CNTN5: variants seen among roughly 807,000 people sequenced by gnomAD.
The protein encoded by CNTN5 is contactin-5.
CNTN5 carries 77 observed loss-of-function variants against 129.1 expected under a neutral mutation model. That is an observed-to-expected ratio of 0.60 (90% confidence interval 0.50 to 0.72). The LOEUF (loss-of-function observed/expected upper bound fraction) is 0.72. Ranked by LOEUF, CNTN5 falls within the 30% of genes least tolerant of loss-of-function variation. The probability of loss-of-function intolerance (pLI) is 0.00; values close to 1 mark genes in which losing one functional copy is unlikely to be tolerated. For missense variants in CNTN5, 1,478 were observed against 1,328.8 expected, an observed-to-expected ratio of 1.11 and a Z score of -1.75; for synonymous variants, 509 against 465.6, an observed-to-expected ratio of 1.09 and a Z score of -1.20.
chr11:99,570,528 C>T lies in CNTN5; in HGVS notation c.55+14259C>T, dbSNP rs186148080. ...TCAAAGGCATTTAAAAATATTATTTCAGGTACCAGTTACATAATAATTTTC... is the reference window on the plus strand; with the variant it reads ...TCAAAGGCATTTAAAAATATTATTTTAGGTACCAGTTACATAATAATTTTC... On this transcript the variant is annotated intron_variant, in intron 3 of 24. Coordinates refer to ENST00000524871, the MANE Select transcript of CNTN5 (RefSeq NM_014361.4). Among the ~76,000 whole-genome samples, 52 of 152,244 alleles carry T rather than the reference C, an allele frequency of 3.4e-4. 1 individual carries two copies. The East Asian group carries it at 8.9e-3, about 26-fold the overall frequency.
chr11:99,792,214 A>G (rs1209415134), intron 3 of CNTN5, among the ~76,000 whole-genome samples: 3 of 152,146 alleles, frequency 2.0e-5, no homozygotes, highest in Non-Finnish European at 4.4e-5. Flanking sequence ...TTGCCTATTC[A>G]GTATGATGTT....
chr11:100,025,262 A>C (rs1941361817), intron 9 of CNTN5, among the ~76,000 whole-genome samples: 1 of 152,246 alleles, frequency 6.6e-6, no homozygotes, highest in Non-Finnish European at 1.5e-5. Context: ...GGTGGCTTAC[A>C]CATGGTTTTG....
intron 1 of CNTN5, among the ~76,000 whole-genome samples, chr11:99,061,498 C>A (rs1307958247): frequency 2.6e-5 from 4 of 152,062 alleles, no homozygotes; most frequent in South Asian, 2.1e-4. Context: ...TATGGACAGA[C>A]CTTGGCTTCT....
chr11:99,797,982 A>C (rs759695305), intron 3 of CNTN5, among the ~76,000 whole-genome samples: 1 of 152,106 alleles, frequency 6.6e-6, no homozygotes, highest in Admixed American at 6.6e-5. Flanking sequence ...TTTACGTTCA[A>C]GGATACCTGT....
intron 1 of CNTN5, among the ~76,000 whole-genome samples, chr11:99,262,608 T>C (rs1862690554): frequency 6.6e-6 from 1 of 151,716 alleles, no homozygotes; most frequent in Non-Finnish European, 1.5e-5. Flanking sequence ...TTCTTTTTTT[T>C]TTTCTCTCTC....
chr11:99,842,732 A>G (rs1335247150), intron 4 of CNTN5, among the ~76,000 whole-genome samples: 2 of 152,242 alleles, frequency 1.3e-5, no homozygotes, highest in Non-Finnish European at 2.9e-5. Context: ...TGTGATTTAT[A>G]AAAATTTATA....
chr11:99,277,327 T>C (rs1863487805), intron 1 of CNTN5, among the ~76,000 whole-genome samples: 1 of 151,820 alleles, frequency 6.6e-6, no homozygotes, highest in African/African-American at 2.4e-5. Flanking sequence ...ATACTAATAA[T>C]CTAGCTTCAT....
chr11:99,829,289 C>A (rs1047408681), intron 4 of CNTN5, among the ~76,000 whole-genome samples: 1 of 152,142 alleles, frequency 6.6e-6, no homozygotes, highest in Non-Finnish European at 1.5e-5. Context: ...AGGCTGCATT[C>A]AGAATTACTG....
At chr11:99,788,937 T>G (rs1945636795) in intron 3 of CNTN5, among the ~76,000 whole-genome samples, 1 of 151,904 alleles carries the variant, frequency 6.6e-6, no homozygotes, top group Non-Finnish European at 1.5e-5. Context: ...TGAAAAAACG[T>G]TTCCAATAAG....
intron 2 of CNTN5, among the ~76,000 whole-genome samples, chr11:99,335,596 T>C (rs1249670156): frequency 6.6e-6 from 1 of 152,020 alleles, no homozygotes; most frequent in Non-Finnish European, 1.5e-5. Context: ...CATGCAAGTA[T>C]ATGGAGCTTC....
intron 17 of CNTN5, among the ~76,000 whole-genome samples, chr11:100,267,766 G>A (rs1465584999): frequency 6.6e-6 from 1 of 152,082 alleles, no homozygotes. Flanking sequence ...ATAAGACGTC[G>A]GAGGATTGCT....
chr11:99,330,204 G>A (rs538825019), intron 2 of CNTN5, among the ~76,000 whole-genome samples: 564 of 150,452 alleles, frequency 3.7e-3, no homozygotes, highest in Non-Finnish European at 4.8e-3. Flanking sequence ...GAGGAAGGGA[G>A]GAAGGAAAGG....
chr11:99,788,207 C>A (rs958014029), intron 3 of CNTN5, among the ~76,000 whole-genome samples: 6 of 152,006 alleles, frequency 3.9e-5, no homozygotes, highest in South Asian at 2.1e-4. Context: ...AGTTTCTTAA[C>A]TTCAACATCT....
intron 2 of CNTN5, among the ~76,000 whole-genome samples, chr11:99,498,024 G>T (rs1946292008): frequency 6.6e-6 from 1 of 152,114 alleles, no homozygotes; most frequent in Non-Finnish European, 1.5e-5. Flanking sequence ...GCTACTGTGT[G>T]TTCAGGCGTA....
chr11:99,832,420 G>A (rs1339391100), intron 4 of CNTN5, among the ~76,000 whole-genome samples: 1 of 151,708 alleles, frequency 6.6e-6, no homozygotes, highest in South Asian at 2.1e-4. Flanking sequence ...GTACGAAAGT[G>A]ACAAAAAACC....
chr11:99,565,931 G>A (rs754995682), intron 3 of CNTN5, among the ~76,000 whole-genome samples: 23 of 152,292 alleles, frequency 1.5e-4, no homozygotes, highest in Middle Eastern at 3.4e-3. Context: ...ATACAGAGTG[G>A]TATAAACAAT....
At chr11:99,835,181 C>G (rs749523990) in intron 4 of CNTN5, among the ~76,000 whole-genome samples, 2 of 152,180 alleles carry the variant, frequency 1.3e-5, no homozygotes, top group Non-Finnish European at 2.9e-5. Flanking sequence ...AAAATTGGTT[C>G]AGATGCAGAA....
chr11:99,900,313 C>A (rs952101605), intron 6 of CNTN5, among the ~76,000 whole-genome samples: 10 of 150,672 alleles, frequency 6.6e-5, no homozygotes, highest in African/African-American at 2.2e-4. Flanking sequence ...AATTAAAAAT[C>A]TTATATTTTT....
chr11:99,736,087 T>G (rs1216669895), intron 3 of CNTN5, among the ~76,000 whole-genome samples: 5 of 152,102 alleles, frequency 3.3e-5, no homozygotes, highest in African/African-American at 1.2e-4. Context: ...ATTTAAGTGC[T>G]GAAATTACGA....
Sources: allele counts gnomAD v4.1 joint callset (sites outside exome capture counted in the v4.1 genomes callset), GRCh38; gene constraint gnomAD v4.1.1; transcripts MANE v1.5; gene names NCBI Gene and HGNC (gene_info 2026-07-23, HGNC 2026-07-21).